Variants in CDC25B observed in about 807,000 individuals in gnomAD.
CDC25B encodes cell division cycle 25B, also known as M-phase inducer phosphatase 2.
CDC25B carries 33 observed loss-of-function variants against 69.8 expected under a neutral mutation model. The observed-to-expected ratio is 0.47, with a 90% CI of 0.36 to 0.63. The LOEUF (loss-of-function observed/expected upper bound fraction) is 0.63, where lower values mean the gene tolerates loss of function less well. Among genes scored for constraint, CDC25B ranks in the 30% least tolerant of loss-of-function variants. The pLI is 0.00. For synonymous variants in CDC25B, 341 were observed against 314.6 expected, an observed-to-expected ratio of 1.08 and a Z score of -0.89; for missense variants, 727 against 809.1, an observed-to-expected ratio of 0.90 and a Z score of 1.23.
In CDC25B at chr20:3,805,675, C is replaced by T; in HGVS notation, c.*714C>T. 1 of 401,936 alleles carries T rather than the reference C, an allele frequency of 2.5e-6. No homozygotes were observed. Among genetic ancestry groups the T allele is most frequent in the Non-Finnish European group, 4.4e-6 (1 of 227,312 alleles). The allele number at this position is 401,936 out of a possible 1,614,324, so 24.9% of individuals were successfully genotyped here. On this transcript the variant is annotated 3_prime_UTR_variant, in exon 16 of 16. Coordinates refer to ENST00000245960, the MANE Select transcript of CDC25B (RefSeq NM_021873.4). ...TGCCCCAGAAAGGGATGTTATTATC[C>T]TTGGGGGCTCCCAGGGCAAGGGTTA...
rs771826237 is a variant in CDC25B at position 3,804,641 on chromosome 20, C to T, written c.1563C>T (p.Ile521=). 4 of 1,614,008 alleles carry T rather than the reference C, an allele frequency of 2.5e-6. No homozygotes were observed. The highest frequency in any genetic ancestry group is 3.4e-6 in the Non-Finnish European group (4 of 1,179,906). The change falls in exon 15 of 16, where the codon ATC becomes ATT. Residue 521 remains isoleucine, a synonymous_variant. Coordinates refer to ENST00000245960, the MANE Select transcript of CDC25B (RefSeq NM_021873.4). Reference sequence around the variant, plus strand: ...GCCTCTACTACCCTGAGATGTATATCCTGAAAGGCGGCTACAAGGAGTTCT... The same window carrying T: ...GCCTCTACTACCCTGAGATGTATATTCTGAAAGGCGGCTACAAGGAGTTCT... ...YPSLYYPEMY[I]LKGGYKEFFP...
rs1278123584 is a variant in CDC25B, at chr20:3,802,264, T to C, written c.1099-17T>C. On this transcript the variant is annotated splice_polypyrimidine_tract_variant and intron_variant, in intron 10 of 15. Coordinates refer to ENST00000245960, the MANE Select transcript of CDC25B (RefSeq NM_021873.4). ...AGCCCCACCCTGACCCTGGCCTCCA[T>C]CTGACTCACTTTCCAGAAAGCCCGC... The C allele has an allele frequency of 6.2e-7, 1 of 1,607,744 alleles. No homozygotes were observed. Among genetic ancestry groups the C allele is most frequent in the African/African-American group, 1.3e-5 (1 of 74,966 alleles).
Position 3,804,980 on chromosome 20 carries a change from G to T in CDC25B, c.*19G>T. ...CCAGTGAGGGGCCTGCGCCAGTCCTGCTACCTCCCTTGCCTTTCGAGGCCT... is the reference window on the plus strand; with the variant it reads ...CCAGTGAGGGGCCTGCGCCAGTCCTTCTACCTCCCTTGCCTTTCGAGGCCT... On this transcript the variant is annotated 3_prime_UTR_variant, in exon 16 of 16. Transcript: ENST00000245960. 1 of 1,607,604 alleles carries T rather than the reference G, an allele frequency of 6.2e-7. No individual in the cohort carries two copies.
At chr20:3,797,874 C>T in intron 2 of CDC25B, 125 bp downstream of exon 2, 2 of 1,178,322 alleles carry the variant, frequency 1.7e-6, no homozygotes, top group Admixed American at 3.8e-5. Context: ...GGCCCAGGAG[C>T]CTCTCCCCCA....
chr20:3,805,280 T>C lies in CDC25B; in HGVS notation c.*319T>C. 1 of 378,734 alleles carries C rather than the reference T, an allele frequency of 2.6e-6. No homozygotes were observed. Among genetic ancestry groups the C allele is most frequent in the Non-Finnish European group, 4.9e-6 (1 of 203,910 alleles). The allele number at this position is 378,734 out of a possible 1,614,324, so 23.5% of individuals were successfully genotyped here. On this transcript the variant is annotated 3_prime_UTR_variant, in exon 16 of 16. Transcript: ENST00000245960. ...TTAGGGTTAACCCTTCATCTTCCTGTGTCCTGAAACGCTCCTTTGTGTGTG... is the reference window on the plus strand; with the variant it reads ...TTAGGGTTAACCCTTCATCTTCCTGCGTCCTGAAACGCTCCTTTGTGTGTG...
upstream of CDC25B, among the ~76,000 whole-genome samples, chr20:3,792,842 C>T (rs2088937902): frequency 6.6e-6 from 1 of 152,164 alleles, no homozygotes; most frequent in Non-Finnish European, 1.5e-5. Context: ...CAAGGTTTCA[C>T]CATATTGCCC....
intron 1 of CDC25B, among the ~76,000 whole-genome samples, chr20:3,797,014 A>G (rs1230447839): frequency 6.6e-6 from 1 of 151,988 alleles, no homozygotes; most frequent in East Asian, 1.9e-4. Flanking sequence ...TGCCTCCACC[A>G]CGCTGCCTCC....
At chr20:3,787,623 A>G (rs1022042032) in intron 1 of CDC25B, among the ~76,000 whole-genome samples, 4 of 152,200 alleles carry the variant, frequency 2.6e-5, no homozygotes, top group Non-Finnish European at 5.9e-5. Context: ...TCCTGCAGCA[A>G]AACATTAAAA....
At chr20:3,801,412 C>T (rs748233533) in intron 8 of CDC25B, 24 bp downstream of exon 8, 6 of 1,574,678 alleles carry the variant, frequency 3.8e-6, no homozygotes, top group East Asian at 4.5e-5. Context: ...TCCCACCAGG[C>T]CCCTACCTTC....
chr20:3,800,969 A>C lies in CDC25B; in HGVS notation c.583-2A>C. 2 of 1,614,014 alleles carry C rather than the reference A, an allele frequency of 1.2e-6. No homozygotes were observed. The highest frequency in any genetic ancestry group is 1.7e-6 in the Non-Finnish European group (2 of 1,179,892). On this transcript the variant is annotated splice_acceptor_variant, in intron 6 of 15. Coordinates refer to ENST00000245960, the MANE Select transcript of CDC25B (RefSeq NM_021873.4). LOFTEE classifies it high-confidence loss of function. ...GACCCTCCTCTCCCATCTTGGCTGC[A>C]GGATGGATTTGTCTTCAAGATGCCA...
intron 1 of CDC25B, among the ~76,000 whole-genome samples, chr20:3,788,176 C>G (rs1342556214): frequency 7.1e-6 from 1 of 141,798 alleles, no homozygotes; most frequent in East Asian, 2.0e-4. Flanking sequence ...CAAATAGAGA[C>G]TCTTGAAGTG....
chr20:3,798,404 C>A lies in CDC25B; in HGVS notation c.329-8C>A. 1 of 1,506,082 alleles carries A rather than the reference C, an allele frequency of 6.6e-7. No homozygotes were observed. Among genetic ancestry groups the A allele is most frequent in the Non-Finnish European group, 8.9e-7 (1 of 1,123,866 alleles). 93.3% of individuals were successfully genotyped at this position (1,506,082 alleles called of 1,614,324 possible). A position where few individuals can be genotyped will look rare whatever the true frequency, so the allele number is the denominator to read the frequency against. ...CTACTTTCAAACCAAGGTGCTCTGT[C>A]CCCTCAGGTCTCTGCATGGATTCCC... On this transcript the variant is annotated splice_polypyrimidine_tract_variant and splice_region_variant and intron_variant, in intron 2 of 15. Coordinates refer to ENST00000245960, the MANE Select transcript of CDC25B (RefSeq NM_021873.4).
In CDC25B at chr20:3,803,436, C is replaced by T. The variant is rs141229949; in HGVS notation, c.1389C>T (p.Ala463=). The T allele has an allele frequency of 1.9e-5, 31 of 1,614,000 alleles. 1 individual carries two copies. The highest frequency in any genetic ancestry group is 1.7e-4 in the African/African-American group (13 of 74,902). The change falls in exon 14 of 16, where the codon GCC becomes GCT. Residue 463 remains alanine, a synonymous_variant. Transcript: ENST00000245960. This position sits in a 1 kb window ranked among gnomAD's most constrained non-coding sequence, Gnocchi z 4.9. Reference sequence around the variant, plus strand: ...TGAACTTGCCCCTGGAACGCGACGCCGAGAGCTTCCTACTGAAGAGCCCCA... The same window carrying T: ...TGAACTTGCCCCTGGAACGCGACGCTGAGAGCTTCCTACTGAAGAGCCCCA... ...TAVNLPLERD[A]ESFLLKSPIA...
chr20:3,797,772 G>T, intron 2 of CDC25B, 23 bp downstream of exon 2: 12 of 1,612,856 alleles, frequency 7.4e-6, no homozygotes, highest in Non-Finnish European at 9.3e-6. Flanking sequence ...GGAGCCTGGG[G>T]AGATCTGCCT....
In CDC25B at chr20:3,801,226, A is replaced by C. The variant is rs1213769714; in HGVS notation, c.706-28A>C. 3.7e-6 allele frequency: 6 copies of C among 1,611,136 alleles called. No individual in the cohort carries two copies. In the Admixed American group the frequency reaches 1.0e-4, roughly 27 times the overall value. ...GGGGCGGGAACTATCTCCACCTCTA[A>C]GTCTGTGTCTGTCTGTCATGTGGAC... On this transcript the variant is annotated intron_variant, in intron 7 of 15. Transcript: ENST00000245960.
chr20:3,803,275 G>A lies in CDC25B; in HGVS notation c.1356+69G>A, dbSNP rs575645844. 5.1e-6 allele frequency: 8 copies of A among 1,572,184 alleles called. No homozygotes were observed. Among genetic ancestry groups the A allele is most frequent in the South Asian group, 1.1e-5 (1 of 88,908 alleles). On this transcript the variant is annotated intron_variant, in intron 13 of 15. Coordinates refer to ENST00000245960, the MANE Select transcript of CDC25B (RefSeq NM_021873.4). This position sits in a 1 kb window ranked among gnomAD's most constrained non-coding sequence, Gnocchi z 4.9. ...TTTAGGTCCTTGCTTTGCCAAGAGG[G>A]TGAATGGGTGGAGGACGGGTGCCCC...
chr20:3,800,108 C>T (rs2089219076), intron 3 of CDC25B, among the ~76,000 whole-genome samples, 180 bp from the exon 4 acceptor site: 2 of 152,154 alleles, frequency 1.3e-5, no homozygotes, highest in African/African-American at 4.8e-5. Context: ...CTCTTATCTT[C>T]CCCCTCCCCA....
At chr20:3,798,958 C>G (rs886072872) in intron 3 of CDC25B, among the ~76,000 whole-genome samples, 2 of 152,196 alleles carry the variant, frequency 1.3e-5, no homozygotes, top group Non-Finnish European at 2.9e-5. Context: ...TACCCTCTGG[C>G]CAGCCCTGGT....
upstream of CDC25B, among the ~76,000 whole-genome samples, chr20:3,794,711 G>T (rs1225394200): frequency 6.6e-6 from 1 of 152,096 alleles, no homozygotes; most frequent in African/African-American, 2.4e-5. Context: ...GCAAAATTTG[G>T]AGAAAAGGAA....
Sources: gnomAD v4.1 joint callset for allele counts (sites outside exome capture counted in the v4.1 genomes callset) on GRCh38, gnomAD v4.1.1 for gene constraint, Gnocchi (gnomAD v3.1) non-coding constraint, MANE v1.5 for transcripts, NCBI Gene and HGNC (gene_info 2026-07-23, HGNC 2026-07-21) for gene names.